The following VPS35L variants were observed in gnomAD, a reference collection of about 807,000 sequenced individuals.
The protein encoded by VPS35L is VPS35 endosomal protein-sorting factor-like.
In VPS35L, 83 loss-of-function variants were observed where a neutral mutation model predicts 133.0. The observed-to-expected ratio is 0.62, with a 90% CI of 0.52 to 0.75. VPS35L has a LOEUF of 0.75. Among genes scored for constraint, VPS35L ranks in the 30% least tolerant of loss-of-function variants. The pLI, the probability that VPS35L is intolerant of heterozygous loss-of-function variation, is 0.00. For missense variants in VPS35L, 1,083 were observed against 1,206.8 expected (o/e 0.90, Z 1.52); for synonymous variants, 423 against 449.9 (o/e 0.94, Z 0.76).
At chr16:19,575,795 G>A (rs567049460) in intron 5 of VPS35L, among the ~76,000 whole-genome samples, 219 of 151,216 alleles carry the variant, frequency 1.4e-3, no homozygotes, top group African/African-American at 5.1e-3. Context: ...CCTGGGAGGC[G>A]GAAGTTGCAG....
intron 29 of VPS35L, among the ~76,000 whole-genome samples, chr16:19,692,950 G>C: frequency 6.6e-6 from 1 of 152,224 alleles, no homozygotes; most frequent in Non-Finnish European, 1.5e-5. Context: ...GGCACTGCCC[G>C]AAGGGCTGGC....
At chr16:19,680,692 G>C (rs538929427) in intron 27 of VPS35L, among the ~76,000 whole-genome samples, 1 of 152,092 alleles carries the variant, frequency 6.6e-6, no homozygotes, top group Admixed American at 6.6e-5. Flanking sequence ...CAGGTGGATC[G>C]CTTGAGCCCA....
intron 8 of VPS35L, among the ~76,000 whole-genome samples, chr16:19,592,924 G>A (rs1972090821): frequency 6.6e-6 from 1 of 152,012 alleles, no homozygotes; most frequent in South Asian, 2.1e-4. Flanking sequence ...GACCTCAAGT[G>A]ATCTGCCCTC....
intron 26 of VPS35L, among the ~76,000 whole-genome samples, chr16:19,657,724 T>C (rs1282114343): frequency 1.3e-5 from 2 of 152,220 alleles, no homozygotes; most frequent in Non-Finnish European, 2.9e-5. Context: ...GGCCATGATG[T>C]GGGAGAGAAA....
chr16:19,652,037 A>G lies in VPS35L; in HGVS notation c.2168A>G (p.Asn723Ser), dbSNP rs141806447. The stretch of plus-strand genomic sequence containing the variant: ...CTGGCGGGCATCTTCACACGTCTCA[A>G]TCTCTACCTGCATTCTGGTCAGGTG... ...PSLAGIFTRL[N>S]LYLHSGQVAL... The change falls in exon 26 of 31, where the codon AAT becomes AGT. Residue 723 changes from asparagine to serine, a missense_variant. Asn to Ser is a conservative substitution (Grantham distance 46, BLOSUM62 1). Transcript: ENST00000417362. 15 of 1,613,196 alleles carry G rather than the reference A, an allele frequency of 9.3e-6. No individual in the cohort carries two copies. The highest frequency in any genetic ancestry group is 8.0e-5 in the African/African-American group (6 of 74,886).
chr16:19,574,907 T>C (rs1971484993), intron 4 of VPS35L, among the ~76,000 whole-genome samples, 191 bp from the exon 5 acceptor site: 1 of 152,212 alleles, frequency 6.6e-6, no homozygotes, highest in Non-Finnish European at 1.5e-5. Context: ...TCAAAAATTT[T>C]AGTATTTGTC....
intron 26 of VPS35L, among the ~76,000 whole-genome samples, chr16:19,655,514 T>C (rs1228172417): frequency 6.6e-6 from 1 of 152,174 alleles, no homozygotes; most frequent in African/African-American, 2.4e-5. Context: ...AATCCGGCCT[T>C]GGTTGTATCT....
chr16:19,613,280 G>C (rs911549285), intron 12 of VPS35L, among the ~76,000 whole-genome samples: 1 of 152,212 alleles, frequency 6.6e-6, no homozygotes, highest in East Asian at 1.9e-4. Context: ...TCCAGCCTGG[G>C]TGACAGAGCA....
intron 28 of VPS35L, among the ~76,000 whole-genome samples, chr16:19,683,395 G>A (rs1278031563): frequency 6.6e-6 from 1 of 152,184 alleles, no homozygotes; most frequent in Non-Finnish European, 1.5e-5. Flanking sequence ...GCTGAGGTTT[G>A]GGGTGCAAAT....
chr16:19,594,946 G>A (rs982949915), intron 8 of VPS35L, among the ~76,000 whole-genome samples: 62 of 152,124 alleles, frequency 4.1e-4, no homozygotes, highest in African/African-American at 1.4e-3. Context: ...TGGGTCTGTG[G>A]GGTGGAGGCC....
chr16:19,579,000 G>C, intron 5 of VPS35L, 52 bp from the exon 6 acceptor site: 1 of 1,449,336 alleles, frequency 6.9e-7, no homozygotes, highest in Non-Finnish European at 9.7e-7. Flanking sequence ...TCCACTGGGG[G>C]TATTGGTGCA....
At chr16:19,578,279 C>CTTTTTTCTTTTTTTTTTTTTTTTTTTTT in intron 5 of VPS35L, 1 of 443,420 alleles carries the variant, frequency 2.3e-6, no homozygotes, top group Non-Finnish European at 4.5e-6. Flanking sequence ...ACATTTCTTT[C>CTTTTTTCTTTTTTTTTTTTTTTTTTTTT]TTTTTTCTTT....
intron 2 of VPS35L, among the ~76,000 whole-genome samples, chr16:19,568,412 T>TTC (rs1157040109): frequency 1.3e-5 from 2 of 149,194 alleles, no homozygotes; most frequent in Admixed American, 6.7e-5. Flanking sequence ...TTTTTCATGT[T>TTC]TTTTTTTTTT....
At chr16:19,635,958 C>T (rs762521735) in intron 19 of VPS35L, among the ~76,000 whole-genome samples, 3 of 152,088 alleles carry the variant, frequency 2.0e-5, no homozygotes, top group Non-Finnish European at 4.4e-5. Context: ...CCAAGATGGG[C>T]GGATTGCTTG....
At chr16:19,662,463 G>C (rs568579029) in intron 26 of VPS35L, among the ~76,000 whole-genome samples, 51 of 152,318 alleles carry the variant, frequency 3.3e-4, no homozygotes, top group African/African-American at 1.2e-3. Context: ...AGGCTCTGCT[G>C]CCTGACTACA....
intron 23 of VPS35L, 71 bp downstream of exon 23, chr16:19,645,020 A>C: frequency 1.9e-6 from 2 of 1,078,960 alleles, no homozygotes; most frequent in Non-Finnish European, 2.8e-6. Context: ...TGTTGGCGAA[A>C]GCAGTTAACA....
At chr16:19,600,796 A>T (rs1972358950) in intron 8 of VPS35L, among the ~76,000 whole-genome samples, 1 of 152,204 alleles carries the variant, frequency 6.6e-6, no homozygotes, top group Non-Finnish European at 1.5e-5. Flanking sequence ...TGGTTAGTGT[A>T]TATGCCATTT....
At chr16:19,616,435 A>C (rs1293445528) in intron 13 of VPS35L, among the ~76,000 whole-genome samples, 1 of 152,214 alleles carries the variant, frequency 6.6e-6, no homozygotes, top group African/African-American at 2.4e-5. Flanking sequence ...GCTTCTGAGC[A>C]TCTGCTGGCT....
chr16:19,695,957 G>A (rs1342076362), intron 29 of VPS35L, among the ~76,000 whole-genome samples: 2 of 151,864 alleles, frequency 1.3e-5, no homozygotes, highest in Non-Finnish European at 2.9e-5. Context: ...CACAATTTCA[G>A]CTGACTGCAA....
Sources: gnomAD v4.1 joint callset for allele counts (sites outside exome capture counted in the v4.1 genomes callset) on GRCh38, gnomAD v4.1.1 for gene constraint, MANE v1.5 for transcripts, NCBI Gene and HGNC (gene_info 2026-07-23, HGNC 2026-07-21) for gene names.